Variants in FBXL7 observed in about 807,000 individuals in gnomAD.
FBXL7 encodes the protein F-box and leucine rich repeat protein 7, also known as F-box/LRR-repeat protein 7.
A neutral mutation model predicts 38.3 loss-of-function variants in FBXL7; 12 were observed. The observed-to-expected ratio is 0.31, with a 90% CI of 0.20 to 0.51. The LOEUF (loss-of-function observed/expected upper bound fraction) is 0.51, where lower values mean the gene tolerates loss of function less well. Among genes scored for constraint, FBXL7 ranks in the 20% least tolerant of loss-of-function variants. FBXL7 has a pLI of 0.98. For synonymous variants in FBXL7, 297 were observed against 300.9 expected, an observed-to-expected ratio of 0.99 and a Z score of 0.13; for missense variants, 567 against 676.4, an observed-to-expected ratio of 0.84 and a Z score of 1.79.
At chr5:15,669,296 T>G (rs779344708) in intron 2 of FBXL7, among the ~76,000 whole-genome samples, 5 of 152,262 alleles carry the variant, frequency 3.3e-5, no homozygotes, top group Non-Finnish European at 7.4e-5. Flanking sequence ...TACACCTCGG[T>G]GAGTTTGAAG....
At chr5:15,511,676 T>C (rs1160526763) in intron 1 of FBXL7, among the ~76,000 whole-genome samples, 1 of 152,236 alleles carries the variant, frequency 6.6e-6, no homozygotes, top group African/African-American at 2.4e-5. Context: ...CAGGAATTAA[T>C]CTCATTTATC....
At chr5:15,764,735 G>A (rs964331528) in intron 2 of FBXL7, among the ~76,000 whole-genome samples, 15 of 152,244 alleles carry the variant, frequency 9.9e-5, no homozygotes, top group African/African-American at 3.6e-4. Context: ...TCACCCCACA[G>A]GGTATTGGGA....
At chr5:15,919,996 C>T (rs1178145457) in intron 2 of FBXL7, among the ~76,000 whole-genome samples, 13 of 152,184 alleles carry the variant, frequency 8.5e-5, no homozygotes, top group Non-Finnish European at 1.8e-4. Flanking sequence ...TGGTGGCTCA[C>T]GCCTGTAGTC....
intron 2 of FBXL7, among the ~76,000 whole-genome samples, chr5:15,821,693 T>A (rs1418224791): frequency 6.6e-6 from 1 of 152,302 alleles, no homozygotes; most frequent in East Asian, 1.9e-4. Context: ...GCTTACACAT[T>A]TGGAAATCTG....
intron 2 of FBXL7, among the ~76,000 whole-genome samples, chr5:15,720,292 T>TC (rs1280089634): frequency 6.7e-6 from 1 of 148,694 alleles, no homozygotes; most frequent in African/African-American, 2.5e-5. Flanking sequence ...AAAACATTAT[T>TC]CAAGGATCAG....
chr5:15,774,238 C>T (rs1736802407), intron 2 of FBXL7, among the ~76,000 whole-genome samples: 1 of 152,080 alleles, frequency 6.6e-6, no homozygotes, highest in African/African-American at 2.4e-5. Context: ...TACTGACTGA[C>T]CCTCTTCCTC....
chr5:15,850,829 T>C (rs1739072111), intron 2 of FBXL7, among the ~76,000 whole-genome samples: 1 of 152,196 alleles, frequency 6.6e-6, no homozygotes, highest in South Asian at 2.1e-4. Context: ...ATCTATGCTT[T>C]TGAGTTTTGA....
intron 2 of FBXL7, among the ~76,000 whole-genome samples, chr5:15,730,425 G>A (rs1401606764): frequency 6.6e-6 from 1 of 152,046 alleles, no homozygotes; most frequent in African/African-American, 2.4e-5. Flanking sequence ...TTTCTTGAGT[G>A]ATTATTCTTC....
At chr5:15,840,045 G>C (rs1315776155) in intron 2 of FBXL7, among the ~76,000 whole-genome samples, 1 of 152,098 alleles carries the variant, frequency 6.6e-6, no homozygotes, top group Non-Finnish European at 1.5e-5. Context: ...CTGTCTTTAT[G>C]TCCTTCTCTT....
chr5:15,634,115 T>A (rs1561062018), intron 2 of FBXL7, among the ~76,000 whole-genome samples: 1 of 151,944 alleles, frequency 6.6e-6, no homozygotes, highest in African/African-American at 2.4e-5. Context: ...AAAAATAAAT[T>A]ACATTCTACT....
chr5:15,760,960 T>G (rs1736424611), intron 2 of FBXL7, among the ~76,000 whole-genome samples: 1 of 151,880 alleles, frequency 6.6e-6, no homozygotes, highest in Admixed American at 6.6e-5. Context: ...AGCAGTCCCA[T>G]ATTTCAGAGT....
chr5:15,762,638 G>A (rs1046028323), intron 2 of FBXL7, among the ~76,000 whole-genome samples: 2 of 152,156 alleles, frequency 1.3e-5, no homozygotes, highest in Non-Finnish European at 2.9e-5. Flanking sequence ...GAGGATAAAA[G>A]CAATGCTCTC....
intron 2 of FBXL7, among the ~76,000 whole-genome samples, chr5:15,888,003 A>G (rs1740747867): frequency 6.6e-6 from 1 of 152,182 alleles, no homozygotes; most frequent in African/African-American, 2.4e-5. Flanking sequence ...CCAAAAGTTC[A>G]GAATATCCTT....
At chr5:15,508,360 A>G (rs1013350617) in intron 1 of FBXL7, among the ~76,000 whole-genome samples, 3 of 152,220 alleles carry the variant, frequency 2.0e-5, no homozygotes, top group Admixed American at 1.3e-4. Context: ...ACCTTAGAAA[A>G]TGACATTTGA....
chr5:15,552,530 C>T (rs1738108550), intron 1 of FBXL7, among the ~76,000 whole-genome samples: 1 of 152,226 alleles, frequency 6.6e-6, no homozygotes, highest in Non-Finnish European at 1.5e-5. Context: ...ATTTCAGAGA[C>T]AGTCTCATCC....
intron 1 of FBXL7, among the ~76,000 whole-genome samples, chr5:15,510,270 G>A (rs921822724): frequency 6.6e-6 from 1 of 152,196 alleles, no homozygotes; most frequent in Non-Finnish European, 1.5e-5. Context: ...TGCAGATGTA[G>A]CAGTGGAAAG....
chr5:15,841,870 C>T (rs1376814893), intron 2 of FBXL7, among the ~76,000 whole-genome samples: 1 of 152,214 alleles, frequency 6.6e-6, no homozygotes, highest in Non-Finnish European at 1.5e-5. Context: ...GTTTGGGAAC[C>T]TTTGTCTAGA....
intron 1 of FBXL7, among the ~76,000 whole-genome samples, chr5:15,573,524 G>GGGA (rs1366665948): frequency 6.6e-6 from 1 of 152,210 alleles, no homozygotes; most frequent in African/African-American, 2.4e-5. Flanking sequence ...TGATGGTGAT[G>GGGA]TTGGCCGAAG....
intron 2 of FBXL7, among the ~76,000 whole-genome samples, chr5:15,705,198 AG>A (rs1313780443): frequency 2.0e-5 from 3 of 152,244 alleles, no homozygotes; most frequent in Admixed American, 2.0e-4. Flanking sequence ...TCAGTGTTAG[AG>A]GCTCAGCACT....
Sources: allele counts gnomAD v4.1 joint callset (sites outside exome capture counted in the v4.1 genomes callset), GRCh38; gene constraint gnomAD v4.1.1; transcripts MANE v1.5; gene names NCBI Gene and HGNC (gene_info 2026-07-23, HGNC 2026-07-21).